PCSK5: variants seen among roughly 807,000 people sequenced by gnomAD.
The protein encoded by PCSK5 is prohormone convertase 5.
In PCSK5, 129 loss-of-function variants were observed where a neutral mutation model predicts 233.2. That is an observed-to-expected ratio of 0.55 (90% CI 0.48 to 0.64). The LOEUF is 0.64. PCSK5 is among the 30% of genes least tolerant of loss of function. The probability of loss-of-function intolerance (pLI) is 0.00; values close to 1 mark genes in which losing one functional copy is unlikely to be tolerated. For synonymous variants in PCSK5, 825 were observed against 879.2 expected (o/e 0.94, Z 1.09); for missense variants, 2,076 against 2,430.1 (o/e 0.85, Z 3.06).
At chr9:76,222,886 A>G (rs748673354) in intron 20 of PCSK5, among the ~76,000 whole-genome samples, 5 of 152,238 alleles carry the variant, frequency 3.3e-5, no homozygotes, top group Non-Finnish European at 7.3e-5. Context: ...AATAAAAATT[A>G]TCTTCACAGA....
intron 7 of PCSK5, among the ~76,000 whole-genome samples, chr9:76,080,755 G>T (rs1304487981): frequency 6.6e-6 from 1 of 152,260 alleles, no homozygotes; most frequent in East Asian, 1.9e-4. Flanking sequence ...TAGTAATGTT[G>T]TAAGGATTAT....
At chr9:75,902,214 T>TTAAAAAAAAAAAAAA (rs1554703242) in intron 1 of PCSK5, among the ~76,000 whole-genome samples, 2 of 53,298 alleles carry the variant, frequency 3.8e-5, no homozygotes, top group Non-Finnish European at 6.9e-5. Flanking sequence ...AGACACCATC[T>TTAAAAAAAAAAAAAA]AAAAAAAAAA....
intron 3 of PCSK5, among the ~76,000 whole-genome samples, chr9:76,011,651 T>G (rs2131454967): frequency 6.6e-6 from 1 of 152,342 alleles, no homozygotes; most frequent in Non-Finnish European, 1.5e-5. Flanking sequence ...GTGGATTGTT[T>G]TTGTCATAAG....
chr9:76,338,516 CT>C (rs912364984), intron 35 of PCSK5, 69 bp downstream of exon 35: 8 of 1,124,794 alleles, frequency 7.1e-6, no homozygotes, highest in Non-Finnish European at 1.0e-5. Flanking sequence ...TTATTTGCCC[CT>C]TTCTCTCTTC....
At chr9:76,355,760 A>T (rs79405043) in intron 37 of PCSK5, among the ~76,000 whole-genome samples, 1 of 151,098 alleles carries the variant, frequency 6.6e-6, no homozygotes, top group African/African-American at 2.4e-5. Context: ...CTGGAGTGCA[A>T]TGGCACAATC....
chr9:76,296,797 G>A lies in PCSK5; in HGVS notation c.3455G>A (p.Gly1152Glu), dbSNP rs747104281. Residue 1152 changes from glycine (G) to glutamate (E), a missense_variant, in exon 27 of 38, where the codon GGA becomes GAA. Physicochemically the swap from Gly to Glu is moderately conservative, Grantham distance 98. Transcript: ENST00000674117. ...GACGAGTGCAGCAGCTGCCAGGAAG[G>A]ACTGCAGCTGCTGCGTGGGATGTGC... is the stretch of plus-strand genomic sequence containing the variant. Reference protein sequence around the residue: ...GHDECSSCQEGLQLLRGMCVH... With the variant: ...GHDECSSCQEELQLLRGMCVH... 2.0e-5 allele frequency: 32 copies of A among 1,611,724 alleles called. No homozygotes were observed. In the East Asian group the frequency reaches 6.9e-4, roughly 35 times the overall value.
At chr9:75,987,915 A>C (rs1328681078) in intron 3 of PCSK5, among the ~76,000 whole-genome samples, 10 of 152,170 alleles carry the variant, frequency 6.6e-5, no homozygotes, top group Admixed American at 5.2e-4. Flanking sequence ...AAAGAGCCAA[A>C]TTGCTGTCTA....
rs185662187 is a variant in PCSK5 at position 76,283,739 on chromosome 9, G to A, written c.3143-8494G>A. ...TATTTTGATCTAGAAAGTTTGCTCCGGGGAATAAATTTATGTACTAAAGCT... is the reference window on the plus strand; with the variant it reads ...TATTTTGATCTAGAAAGTTTGCTCCAGGGAATAAATTTATGTACTAAAGCT... On this transcript the variant is annotated intron_variant, in intron 24 of 37. Transcript: ENST00000674117. Among the ~76,000 whole-genome samples the A allele has an allele frequency of 4.3e-4, 65 of 152,202 alleles. No homozygotes were observed. In the East Asian group the frequency reaches 7.9e-3, roughly 19 times the overall value.
At chr9:76,346,046 C>T (rs1233124762) in intron 35 of PCSK5, among the ~76,000 whole-genome samples, 1 of 152,132 alleles carries the variant, frequency 6.6e-6, no homozygotes, top group African/African-American at 2.4e-5. Flanking sequence ...ATCTTTAATC[C>T]ATCTTGAGTT....
intron 7 of PCSK5, among the ~76,000 whole-genome samples, chr9:76,086,115 C>T (rs1040725206): frequency 8.5e-5 from 13 of 152,122 alleles, no homozygotes; most frequent in Non-Finnish European, 1.6e-4. Flanking sequence ...AAACCTGGCC[C>T]TCCTGAAAGT....
At chr9:76,140,026 T>C (rs925548144) in intron 10 of PCSK5, among the ~76,000 whole-genome samples, 1 of 152,120 alleles carries the variant, frequency 6.6e-6, no homozygotes, top group Non-Finnish European at 1.5e-5. Flanking sequence ...AAATATTTTC[T>C]ACAAATGAAA....
rs891855162 is a variant in PCSK5 at position 76,186,855 on chromosome 9, G to GCT, written c.2283-1714_2283-1713dup. Among the ~76,000 whole-genome samples, 14 of 152,116 alleles carry GCT rather than the reference G, an allele frequency of 9.2e-5. No homozygotes were observed. In the East Asian group the frequency reaches 1.4e-3, roughly 15 times the overall value. On this transcript the variant is annotated intron_variant, in intron 17 of 37. Coordinates refer to ENST00000674117, the MANE Select transcript of PCSK5 (RefSeq NM_001372043.1). ...TTCTTTTGGCTTTTTAAATGACAGC[G>GCT]CTCTCTCTCTGGCCAGTGAGGAGAT...
intron 24 of PCSK5, among the ~76,000 whole-genome samples, chr9:76,245,960 T>C (rs1163602741): frequency 6.6e-6 from 1 of 152,044 alleles, no homozygotes; most frequent in Non-Finnish European, 1.5e-5. Context: ...GAGGGAGAGA[T>C]GTTTTTAAAA....
At chr9:76,108,003 T>C (rs1304182756) in intron 9 of PCSK5, among the ~76,000 whole-genome samples, 1 of 152,226 alleles carries the variant, frequency 6.6e-6, no homozygotes, top group Non-Finnish European at 1.5e-5. Context: ...AAATCCTAAA[T>C]GCCAGGAAAA....
At chr9:76,350,995 A>C (rs921282945) in intron 36 of PCSK5, 67 bp downstream of exon 36, 1 of 792,298 alleles carries the variant, frequency 1.3e-6, no homozygotes, top group African/African-American at 1.8e-5. Context: ...TACTTCCTGC[A>C]TGTCATTCTG....
intron 18 of PCSK5, 139 bp from the exon 19 acceptor site, chr9:76,188,955 C>T: frequency 1.3e-6 from 1 of 783,174 alleles, no homozygotes; most frequent in Non-Finnish European, 2.0e-6. Context: ...GGCTTTTTTC[C>T]CAGGGAAATC....
intron 5 of PCSK5, among the ~76,000 whole-genome samples, chr9:76,028,110 A>T (rs1266092167): frequency 6.6e-6 from 1 of 152,230 alleles, no homozygotes; most frequent in Non-Finnish European, 1.5e-5. Context: ...TGACATGAAC[A>T]ACCAAGTAAA....
intron 25 of PCSK5, among the ~76,000 whole-genome samples, 161 bp downstream of exon 25, chr9:76,292,436 C>T (rs1260334202): frequency 6.6e-6 from 1 of 152,158 alleles, no homozygotes; most frequent in East Asian, 1.9e-4. Context: ...GCAATAAGAG[C>T]CCAGCTGTTT....
chr9:76,230,763 C>A (rs554344880), intron 21 of PCSK5, among the ~76,000 whole-genome samples: 7 of 152,146 alleles, frequency 4.6e-5, no homozygotes, highest in Middle Eastern at 3.4e-3. Flanking sequence ...ATCTAGGTTG[C>A]GTGCTCATTA....
Sources: gnomAD v4.1 joint callset for allele counts (sites outside exome capture counted in the v4.1 genomes callset) on GRCh38, gnomAD v4.1.1 for gene constraint, MANE v1.5 for transcripts, NCBI Gene and HGNC (gene_info 2026-07-23, HGNC 2026-07-21) for gene names.